FGGY: variants seen among roughly 807,000 people sequenced by gnomAD.
The protein encoded by FGGY is FGGY carbohydrate kinase domain-containing protein.
Under a neutral mutation model 71.3 loss-of-function variants are expected in FGGY, and 72 were observed. The observed-to-expected ratio is 1.01, with a 90% CI of 0.84 to 1.23. FGGY has a LOEUF of 1.23. Ranked by LOEUF, FGGY falls within the 50% of genes most tolerant of loss-of-function variation. FGGY has a pLI of 0.00. For synonymous variants in FGGY, 251 were observed against 250.3 expected (o/e 1.00, Z -0.02); for missense variants, 668 against 682.3 (o/e 0.98, Z 0.23).
chr1:59,622,020 C>G lies in FGGY; in HGVS notation c.1012-3968C>G, dbSNP rs188489559. ...ATATTCTCATTCATATTCTCTCTCT[C>G]TCTTTCTCTCTCTCTAAGTCTCCCA... On this transcript the variant is annotated intron_variant, in intron 9 of 15. Coordinates refer to ENST00000303721, the MANE Select transcript of FGGY (RefSeq NM_018291.5). 1.2e-3 allele frequency among the ~76,000 whole-genome samples: 178 copies of G among 152,008 alleles called. 1 individual carries two copies. Among genetic ancestry groups the G allele is most frequent in the South Asian group, 2.5e-3 (12 of 4,808 alleles).
Position 59,638,235 on chromosome 1 carries a change from A to C in FGGY, c.1081A>C (p.Ser361Arg). The C allele has an allele frequency of 1.2e-6, 2 of 1,612,986 alleles. No individual in the cohort carries two copies. The highest frequency in any genetic ancestry group is 1.7e-6 in the Non-Finnish European group (2 of 1,179,542). The change falls in exon 11 of 16, where the codon AGT becomes CGT. Residue 361 changes from serine to arginine, a missense_variant. By Grantham distance (110) the Ser-to-Arg change is moderately radical. Coordinates refer to ENST00000303721, the MANE Select transcript of FGGY (RefSeq NM_018291.5). ...AATTCACTTCTCTTCCAGATGCCAGAGTATATATGCATATTTGAACAGTCA... is the reference window on the plus strand; with the variant it reads ...AATTCACTTCTCTTCCAGATGCCAGCGTATATATGCATATTTGAACAGTCA... ...LQVKATARCQ[S>R]IYAYLNSHLD...
At position 59,688,569 on chromosome 1, in the gene FGGY, A is replaced by G. The variant is rs551902556; in HGVS notation, c.1512+14436A>G. Among the ~76,000 whole-genome samples the G allele has an allele frequency of 2.6e-4, 39 of 152,262 alleles. 1 individual carries two copies. The highest frequency in any genetic ancestry group is 9.4e-4 in the African/African-American group (39 of 41,556). On this transcript the variant is annotated intron_variant, in intron 14 of 15. Coordinates refer to ENST00000303721, the MANE Select transcript of FGGY (RefSeq NM_018291.5). ...TTTATGTGGAAAGTTTATTGTGTTC[A>G]TTTTTTACAGATGACAAAGCAGAAT...
chr1:59,753,557 A>T (rs2098265502), intron 14 of FGGY, among the ~76,000 whole-genome samples: 1 of 137,544 alleles, frequency 7.3e-6, no homozygotes, highest in Admixed American at 7.6e-5. Context: ...AATATATGCC[A>T]CTGTAGAAAA....
At chr1:59,748,442 A>G (rs2098218266) in intron 14 of FGGY, among the ~76,000 whole-genome samples, 1 of 152,160 alleles carries the variant, frequency 6.6e-6, no homozygotes, top group Admixed American at 6.5e-5. Context: ...CCAGACAGTC[A>G]AAGATCCTGG....
intron 6 of FGGY, among the ~76,000 whole-genome samples, chr1:59,503,004 A>G (rs1570307208): frequency 6.6e-6 from 1 of 152,190 alleles, no homozygotes; most frequent in South Asian, 2.1e-4. Context: ...TCTACTCATC[A>G]CATTCTATGC....
chr1:59,737,114 G>A (rs1396894600), intron 14 of FGGY, among the ~76,000 whole-genome samples: 1 of 152,272 alleles, frequency 6.6e-6, no homozygotes, highest in Admixed American at 6.5e-5. Context: ...GAGCTGGCAA[G>A]TGCACAGAAG....
rs981318854 is a variant in FGGY, at chr1:59,660,532, T to C, written c.1296+239T>C. 2.3e-5 allele frequency: 8 copies of C among 348,446 alleles called. No individual in the cohort carries two copies. The East Asian group carries it at 3.2e-4, about 14-fold the overall frequency. The allele number at this position is 348,446 out of a possible 1,614,324, so 21.6% of individuals were successfully genotyped here. A position where few individuals can be genotyped will look rare whatever the true frequency, so the allele number is the denominator to read the frequency against. On this transcript the variant is annotated intron_variant, in intron 12 of 15. Transcript: ENST00000303721. ...GAGTTAAAATCTGTGAAGATTATAC[T>C]TGTCATTTATCTAATTTGTCTTCTA... is the stretch of plus-strand genomic sequence containing the variant.
At chr1:59,588,281 A>C (rs1204544735) in intron 8 of FGGY, among the ~76,000 whole-genome samples, 3 of 152,142 alleles carry the variant, frequency 2.0e-5, no homozygotes, top group Non-Finnish European at 4.4e-5. Context: ...CCTCCAAGAA[A>C]TATGGGACTA....
intron 5 of FGGY, among the ~76,000 whole-genome samples, chr1:59,390,632 G>A (rs566701897): frequency 8.5e-5 from 13 of 152,272 alleles, no homozygotes; most frequent in African/African-American, 3.1e-4. Flanking sequence ...AAGGGGAATC[G>A]GGGCAGTGTA....
intron 5 of FGGY, among the ~76,000 whole-genome samples, chr1:59,410,792 C>T (rs2063499216): frequency 1.3e-5 from 2 of 151,982 alleles, no homozygotes; most frequent in Non-Finnish European, 1.5e-5. Flanking sequence ...AATATCTTCT[C>T]ATTAAAAAAT....
intron 14 of FGGY, among the ~76,000 whole-genome samples, chr1:59,683,227 A>G (rs1390268613): frequency 1.3e-5 from 2 of 152,226 alleles, no homozygotes; most frequent in Non-Finnish European, 2.9e-5. Flanking sequence ...TACAGACAAG[A>G]AACAGGGCCA....
chr1:59,331,168 A>G (rs1216799523), intron 2 of FGGY, among the ~76,000 whole-genome samples: 2 of 152,156 alleles, frequency 1.3e-5, no homozygotes, highest in Non-Finnish European at 2.9e-5. Context: ...GGACTTGGCA[A>G]CAATGGAGAG....
chr1:59,503,296 C>CT (rs1383665260), intron 6 of FGGY, among the ~76,000 whole-genome samples: 3 of 152,084 alleles, frequency 2.0e-5, no homozygotes, highest in African/African-American at 7.2e-5. Flanking sequence ...AGAGCAGTGA[C>CT]TAAAAGCTCA....
intron 9 of FGGY, among the ~76,000 whole-genome samples, chr1:59,617,745 A>C (rs547578186): frequency 3.9e-5 from 6 of 152,034 alleles, no homozygotes; most frequent in African/African-American, 1.4e-4. Context: ...TTTATTGGGG[A>C]TGGCATTGGG....
intron 9 of FGGY, among the ~76,000 whole-genome samples, chr1:59,613,187 G>A (rs995879082): frequency 9.9e-5 from 15 of 152,148 alleles, no homozygotes; most frequent in Admixed American, 9.2e-4. Context: ...CAAATCAACA[G>A]AATATACATT....
intron 14 of FGGY, among the ~76,000 whole-genome samples, chr1:59,715,115 T>A (rs1056991891): frequency 6.6e-6 from 1 of 152,172 alleles, no homozygotes. Flanking sequence ...GCATTTGAAC[T>A]TGCTGGGTTT....
At chr1:59,729,661 G>A (rs2097999163) in intron 14 of FGGY, among the ~76,000 whole-genome samples, 1 of 152,138 alleles carries the variant, frequency 6.6e-6, no homozygotes. Context: ...TCTTTGAGCT[G>A]TAATTCACTA....
chr1:59,517,422 T>C (rs1056534561), intron 7 of FGGY, among the ~76,000 whole-genome samples: 35 of 151,774 alleles, frequency 2.3e-4, no homozygotes, highest in South Asian at 6.3e-4. Context: ...CCCGCCACTA[T>C]GCCCGGCTAA....
At chr1:59,518,850 T>A (rs1018844500) in intron 7 of FGGY, among the ~76,000 whole-genome samples, 1 of 152,176 alleles carries the variant, frequency 6.6e-6, no homozygotes, top group African/African-American at 2.4e-5. Flanking sequence ...ACTGTTCAGT[T>A]TCAGGTATTC....
Sources: allele counts gnomAD v4.1 joint callset (sites outside exome capture counted in the v4.1 genomes callset), GRCh38; gene constraint gnomAD v4.1.1; transcripts MANE v1.5; gene names NCBI Gene and HGNC (gene_info 2026-07-23, HGNC 2026-07-21).